NEUROD4: variants seen among roughly 807,000 people sequenced by gnomAD.
NEUROD4 encodes the protein neurogenic differentiation factor 4.
In NEUROD4, 16 loss-of-function variants were observed where a neutral mutation model predicts 19.8. That is an observed-to-expected ratio of 0.81 (90% CI 0.55 to 1.23). The LOEUF is 1.23. NEUROD4 is among the 50% of genes most tolerant of loss of function. The pLI is 0.00. For missense variants in NEUROD4, 439 were observed against 398.6 expected, an observed-to-expected ratio of 1.10 and a Z score of -0.86; for synonymous variants, 153 against 147.9, an observed-to-expected ratio of 1.03 and a Z score of -0.25.
At chr12:55,022,734 T>C (rs1221249774) in intron 1 of NEUROD4, among the ~76,000 whole-genome samples, 2 of 152,136 alleles carry the variant, frequency 1.3e-5, no homozygotes, top group Admixed American at 6.5e-5. Flanking sequence ...GTCAACTCAG[T>C]GGAGGCAGTT....
intron 1 of NEUROD4, among the ~76,000 whole-genome samples, chr12:55,025,519 A>C (rs1378698658): frequency 1.3e-5 from 2 of 152,230 alleles, no homozygotes; most frequent in Non-Finnish European, 2.9e-5. Flanking sequence ...ATGTGCAAAG[A>C]GATCTCACTT....
In NEUROD4 at chr12:55,029,471, T is replaced by C. The variant is rs1482712921; in HGVS notation, c.*2036T>C. On this transcript the variant is annotated 3_prime_UTR_variant, in exon 2 of 2. Transcript: ENST00000242994. ...TTAAGTTTGTAGATAATCACTGTTG[T>C]TTGAGTTATTTATTAGATATTATTT... 2 of 167,032 alleles carry C rather than the reference T, an allele frequency of 1.2e-5. No individual in the cohort carries two copies. The highest frequency in any genetic ancestry group is 2.9e-5 in the Non-Finnish European group (2 of 68,118). 10.3% of individuals were successfully genotyped at this position (167,032 alleles called of 1,614,324 possible). A position where few individuals can be genotyped will look rare whatever the true frequency, so the allele number is the denominator to read the frequency against.
intron 1 of NEUROD4, among the ~76,000 whole-genome samples, chr12:55,021,542 A>G (rs574093415): frequency 2.0e-5 from 3 of 152,326 alleles, no homozygotes; most frequent in South Asian, 4.1e-4. Flanking sequence ...AAAAATTTGT[A>G]AAAGTGTAGA....
intron 1 of NEUROD4, among the ~76,000 whole-genome samples, chr12:55,025,230 C>T (rs1952714201): frequency 6.6e-6 from 1 of 152,132 alleles, no homozygotes; most frequent in Non-Finnish European, 1.5e-5. Flanking sequence ...TTCTGGTTTT[C>T]AAATAGTGAA....
rs1431957660 is a variant in NEUROD4, at chr12:55,028,841, T to C, written c.*1406T>C. 6.0e-6 allele frequency: 1 copy of C among 167,108 alleles called. No individual in the cohort carries two copies. Among genetic ancestry groups the C allele is most frequent in the Non-Finnish European group, 1.5e-5 (1 of 68,114 alleles). The allele number at this position is 167,108 out of a possible 1,614,324, so 10.4% of individuals were successfully genotyped here. A position where few individuals can be genotyped will look rare whatever the true frequency, so the allele number is the denominator to read the frequency against. ...TTTGCAGAGTGTTTATTTTTCTTTA[T>C]GTAACTCCTTTTTCCTTTATATCAA... On this transcript the variant is annotated 3_prime_UTR_variant, in exon 2 of 2. Transcript: ENST00000242994.
In NEUROD4 at chr12:55,026,643, G is replaced by A. The variant is rs554040656; in HGVS notation, c.204G>A (p.Lys68=). The A allele has an allele frequency of 1.5e-5, 24 of 1,613,986 alleles. No homozygotes were observed. Among genetic ancestry groups the A allele is most frequent in the Non-Finnish European group, 2.0e-5 (24 of 1,179,934 alleles). The change falls in exon 2 of 2, where the codon AAG becomes AAA. Residue 68 remains lysine (K), a synonymous_variant. Transcript: ENST00000242994. Reference sequence around the variant, plus strand: ...AGGAAGAAGATGGGGAGAAACCTAAGAGAAGGGGTCCCAAGAAAAAGAAGA... The same window carrying A: ...AGGAAGAAGATGGGGAGAAACCTAAAAGAAGGGGTCCCAAGAAAAAGAAGA... The part of the protein sequence containing the change: ...EEEEEDGEKP[K]RRGPKKKKMT...
At chr12:55,022,633 G>A (rs1365001086) in intron 1 of NEUROD4, among the ~76,000 whole-genome samples, 1 of 152,054 alleles carries the variant, frequency 6.6e-6, no homozygotes, top group Non-Finnish European at 1.5e-5. Flanking sequence ...TGATTGAATA[G>A]GAGTGTCAAG....
intron 1 of NEUROD4, among the ~76,000 whole-genome samples, chr12:55,023,049 A>G (rs1199729208): frequency 2.6e-5 from 4 of 152,128 alleles, no homozygotes; most frequent in Non-Finnish European, 1.5e-5. Flanking sequence ...TATGCTCCTA[A>G]TAATCCTATG....
chr12:55,029,482 T>TA lies in NEUROD4; in HGVS notation c.*2048dup. Reference sequence around the variant, plus strand: ...GATAATCACTGTTGTTTGAGTTATTTATTAGATATTATTTATTTAATTTAT... The same window carrying TA: ...GATAATCACTGTTGTTTGAGTTATTTAATTAGATATTATTTATTTAATTTAT... On this transcript the variant is annotated 3_prime_UTR_variant, in exon 2 of 2. Transcript: ENST00000242994. The TA allele has an allele frequency of 6.0e-6, 1 of 167,172 alleles. No individual in the cohort carries two copies. The highest frequency in any genetic ancestry group is 2.4e-5 in the African/African-American group (1 of 41,588). The allele number at this position is 167,172 out of a possible 1,614,324, so 10.4% of individuals were successfully genotyped here. A position where few individuals can be genotyped will look rare whatever the true frequency, so the allele number is the denominator to read the frequency against.
intron 1 of NEUROD4, among the ~76,000 whole-genome samples, chr12:55,022,116 A>G (rs1470328449): frequency 2.6e-5 from 4 of 152,148 alleles, no homozygotes; most frequent in Non-Finnish European, 5.9e-5. Context: ...AAACTTCTAA[A>G]TGATGTAGCA....
chr12:55,026,613 A>C lies in NEUROD4; in HGVS notation c.174A>C (p.Glu58Asp). 1.2e-6 allele frequency: 2 copies of C among 1,613,934 alleles called. No homozygotes were observed. The highest frequency in any genetic ancestry group is 1.6e-4 in the Middle Eastern group (1 of 6,062). ...AGCATGACAGTATTGAGGAAGAAGA[A>C]GAAGAGGAAGAAGATGGGGAGAAAC... Reference protein sequence around the residue: ...TEEHDSIEEEEEEEEDGEKPK... With the variant: ...TEEHDSIEEEDEEEEDGEKPK... Residue 58 changes from glutamate (E) to aspartate (D), a missense_variant, in exon 2 of 2, where the codon GAA (glutamate) becomes GAC (aspartate). Glu to Asp is a conservative substitution (Grantham distance 45). Transcript: ENST00000242994.
intron 1 of NEUROD4, 105 bp downstream of exon 1, chr12:55,020,418 G>A (rs1187370186): frequency 6.6e-6 from 1 of 152,208 alleles, no homozygotes; most frequent in African/African-American, 2.4e-5. Flanking sequence ...GGGTAAGGCA[G>A]GAGGAAGTGA....
Position 55,027,015 on chromosome 12 carries a change from T to C in NEUROD4, c.576T>C (p.Ile192=), listed in dbSNP as rs770474391. The part of the protein sequence containing the change: ...LLEKHEDKSP[I]CDSAISVHNF... ...AGAAGCACGAGGATAAATCTCCTATTTGTGACTCTGCCATCTCTGTCCACA... is the reference window on the plus strand; with the variant it reads ...AGAAGCACGAGGATAAATCTCCTATCTGTGACTCTGCCATCTCTGTCCACA... The change falls in exon 2 of 2, where the codon ATT becomes ATC. Residue 192 remains isoleucine, a synonymous_variant. Coordinates refer to ENST00000242994, the MANE Select transcript of NEUROD4 (RefSeq NM_021191.3). 5 of 1,614,014 alleles carry C rather than the reference T, an allele frequency of 3.1e-6. No individual in the cohort carries two copies. The highest frequency in any genetic ancestry group is 4.2e-6 in the Non-Finnish European group (5 of 1,180,030).
chr12:55,025,572 C>T (rs1171901968), intron 1 of NEUROD4, among the ~76,000 whole-genome samples: 1 of 152,208 alleles, frequency 6.6e-6, no homozygotes, highest in Non-Finnish European at 1.5e-5. Context: ...GATAACCCTC[C>T]TTTCTTTTCA....
At chr12:55,023,305 TAC>T (rs1205819600) in intron 1 of NEUROD4, among the ~76,000 whole-genome samples, 22 of 152,202 alleles carry the variant, frequency 1.4e-4, no homozygotes, top group Admixed American at 9.2e-4. Flanking sequence ...CACTAGTTGA[TAC>T]AGTCTGTTTT....
Position 55,027,254 on chromosome 12 carries a change from A to T in NEUROD4, c.815A>T (p.Asp272Val). The T allele has an allele frequency of 6.2e-7, 1 of 1,614,070 alleles. No homozygotes were observed. The highest frequency in any genetic ancestry group is 8.5e-7 in the Non-Finnish European group (1 of 1,180,002). ...NFSLKQDGSP[D>V]LEKSYSFMPH... ...TCCTTGAAGCAAGATGGGTCTCCTG[A>T]CCTAGAAAAATCCTACAGCTTCATG... Residue 272 changes from aspartate (D) to valine (V), a missense_variant, in exon 2 of 2, where the codon GAC becomes GTC. Asp to Val is a radical substitution (Grantham distance 152). Coordinates refer to ENST00000242994, the MANE Select transcript of NEUROD4 (RefSeq NM_021191.3).
chr12:55,020,967 C>A (rs1335362331), intron 1 of NEUROD4, among the ~76,000 whole-genome samples: 1 of 151,966 alleles, frequency 6.6e-6, no homozygotes, highest in Non-Finnish European at 1.5e-5. Flanking sequence ...TCATCATTTG[C>A]CCGCAAAAAA....
rs539614056 is a variant in NEUROD4, at chr12:55,028,736, C to A, written c.*1301C>A. ...TATTGTAAATAACATTTCAGGTGAC[C>A]AAACTTAAGGATGCAGAAATGAAAT... is the stretch of plus-strand genomic sequence containing the variant. On this transcript the variant is annotated 3_prime_UTR_variant, in exon 2 of 2. Coordinates refer to ENST00000242994, the MANE Select transcript of NEUROD4 (RefSeq NM_021191.3). The A allele has an allele frequency of 6.0e-6, 1 of 167,106 alleles. No individual in the cohort carries two copies. The highest frequency in any genetic ancestry group is 1.9e-4 in the East Asian group (1 of 5,186). 10.4% of individuals were successfully genotyped at this position (167,106 alleles called of 1,614,324 possible).
chr12:55,020,390 G>A (rs995802181), intron 1 of NEUROD4, 77 bp downstream of exon 1: 3 of 152,230 alleles, frequency 2.0e-5, no homozygotes, highest in South Asian at 2.1e-4. Flanking sequence ...AGCAGTTGGG[G>A]TGAGGAAAGT....
Sources: allele counts gnomAD v4.1 joint callset (sites outside exome capture counted in the v4.1 genomes callset), GRCh38; gene constraint gnomAD v4.1.1; transcripts MANE v1.5; gene names NCBI Gene and HGNC (gene_info 2026-07-23, HGNC 2026-07-21).